Variants in TBL1X observed in about 807,000 individuals in gnomAD.
TBL1X encodes F-box-like/WD repeat-containing protein TBL1X.
Under a neutral mutation model 50.7 loss-of-function variants are expected in TBL1X, and 10 were observed. The ratio of observed to expected loss-of-function variants is 0.20; its 90% CI spans 0.12 to 0.33. The LOEUF (loss-of-function observed/expected upper bound fraction) is 0.33, where lower values mean the gene tolerates loss of function less well. TBL1X is among the 10% of genes least tolerant of loss of function. The probability of loss-of-function intolerance (pLI) is 1.00; values close to 1 mark genes in which losing one functional copy is unlikely to be tolerated. For synonymous variants in TBL1X, 190 were observed against 214.7 expected, an observed-to-expected ratio of 0.88 and a Z score of 1.01; for missense variants, 340 against 504.4, an observed-to-expected ratio of 0.67 and a Z score of 3.12.
intron 2 of TBL1X, among the ~76,000 whole-genome samples, chrX:9,552,174 T>C (rs1184033162): frequency 9.0e-6 from 1 of 111,198 alleles, no homozygotes; most frequent in Non-Finnish European, 1.9e-5. Flanking sequence ...TTGGGTGTTT[T>C]GGGATGATGA....
intron 7 of TBL1X, among the ~76,000 whole-genome samples, chrX:9,689,839 CT>C (rs767871781): frequency 8.0e-5 from 9 of 112,835 alleles, no homozygotes; most frequent in Admixed American, 3.7e-4. Flanking sequence ...CCAGATGACA[CT>C]TTCAGAGCAT....
chrX:9,705,178 G>C (rs2083199263), intron 13 of TBL1X, 64 bp downstream of exon 13: 24 of 1,200,324 alleles, frequency 2.0e-5, no homozygotes, highest in Non-Finnish European at 2.6e-5. Context: ...GCCGATTCTT[G>C]TGTGCCTAGA....
At position 9,706,995 on chromosome X, in the gene TBL1X, G is replaced by A. The variant is rs1569106126; in HGVS notation, c.1236+1881G>A. Among the ~76,000 whole-genome samples, 3 of 111,808 alleles carry A rather than the reference G, an allele frequency of 2.7e-5. No homozygotes were observed. In the South Asian group the frequency reaches 1.1e-3, roughly 42 times the overall value. ...TGCCCACATGAATGCCACAGCCCTG[G>A]CAGTAGCTGCTGGCCTGCGTGTCTG... On this transcript the variant is annotated intron_variant, in intron 13 of 17. Coordinates refer to ENST00000645353, the MANE Select transcript of TBL1X (RefSeq NM_005647.4).
intron 3 of TBL1X, among the ~76,000 whole-genome samples, chrX:9,649,126 G>A (rs764168255): frequency 8.9e-6 from 1 of 111,937 alleles, no homozygotes; most frequent in Non-Finnish European, 1.9e-5. Flanking sequence ...GAGCTGAAGG[G>A]CATTAAATAC....
intron 12 of TBL1X, 21 bp from the exon 13 acceptor site, chrX:9,704,972 T>C: frequency 8.3e-7 from 1 of 1,211,168 alleles, no homozygotes; most frequent in Non-Finnish European, 1.1e-6. Context: ...TAACTCCAGA[T>C]GTCCTCCCTC....
chrX:9,521,561 A>T (rs1426627546), intron 2 of TBL1X, among the ~76,000 whole-genome samples: 1 of 111,642 alleles, frequency 9.0e-6, no homozygotes, highest in Non-Finnish European at 1.9e-5. Flanking sequence ...TCCTTGGGGG[A>T]TTGGTTCCAG....
In TBL1X at chrX:9,545,339, C is replaced by T. The variant is rs756733020; in HGVS notation, c.-131+43490C>T. On this transcript the variant is annotated intron_variant, in intron 2 of 17. Transcript: ENST00000645353. ...GAAGGATCATTTGAAGCCAGGAGTTCGAGACCAGTCTGGACAAATAGCAAA... is the reference window on the plus strand; with the variant it reads ...GAAGGATCATTTGAAGCCAGGAGTTTGAGACCAGTCTGGACAAATAGCAAA... Among the ~76,000 whole-genome samples, 4 of 110,017 alleles carry T rather than the reference C, an allele frequency of 3.6e-5. No homozygotes were observed. In the East Asian group the frequency reaches 1.1e-3, roughly 32 times the overall value.
At chrX:9,672,946 G>A (rs1257221598) in intron 5 of TBL1X, among the ~76,000 whole-genome samples, 4 of 111,945 alleles carry the variant, frequency 3.6e-5, no homozygotes, top group Non-Finnish European at 5.6e-5. Flanking sequence ...TCAAGGTGTG[G>A]GAGATTCAGT....
At chrX:9,640,711 AC>A (rs1417087861) in intron 3 of TBL1X, among the ~76,000 whole-genome samples, 2 of 110,560 alleles carry the variant, frequency 1.8e-5, no homozygotes, top group East Asian at 5.6e-4. Flanking sequence ...GCTCACTGCA[AC>A]CCCCGCCTCC....
At chrX:9,691,372 GT>G (rs1312646011) in intron 7 of TBL1X, among the ~76,000 whole-genome samples, 4 of 104,798 alleles carry the variant, frequency 3.8e-5, no homozygotes, top group Admixed American at 3.1e-4. Flanking sequence ...GGAGACGGAG[GT>G]TGCAGTGAGC....
At chrX:9,476,820 T>C (rs1483400422) in intron 1 of TBL1X, among the ~76,000 whole-genome samples, 1 of 112,516 alleles carries the variant, frequency 8.9e-6, no homozygotes, top group Non-Finnish European at 1.9e-5. Context: ...TTTTCATCTT[T>C]CTACAAAAAT....
chrX:9,654,411 A>AGAC (rs71801536), intron 5 of TBL1X, 89 bp downstream of exon 5: 35 of 802,923 alleles, frequency 4.4e-5, no homozygotes, highest in Middle Eastern at 3.1e-4. Flanking sequence ...ACCAGGCTGT[A>AGAC]GAAGAAGAAG....
intron 2 of TBL1X, among the ~76,000 whole-genome samples, chrX:9,512,377 C>T (rs1371620373): frequency 1.8e-5 from 2 of 111,866 alleles, no homozygotes; most frequent in Non-Finnish European, 3.8e-5. Flanking sequence ...AAGTTTATGA[C>T]ACGTGGCACC....
chrX:9,494,721 A>G (rs921335095), intron 1 of TBL1X, among the ~76,000 whole-genome samples: 2 of 112,150 alleles, frequency 1.8e-5, no homozygotes, highest in Non-Finnish European at 3.8e-5. Flanking sequence ...TCCTTTTAGA[A>G]TTCGGGCTAG....
At chrX:9,507,042 G>A (rs2146954961) in intron 2 of TBL1X, among the ~76,000 whole-genome samples, 1 of 112,156 alleles carries the variant, frequency 8.9e-6, no homozygotes, top group East Asian at 2.8e-4. Flanking sequence ...AAACAAGGAT[G>A]CCCTCTCTCA....
chrX:9,469,119 C>T (rs897283041), intron 1 of TBL1X, among the ~76,000 whole-genome samples: 1 of 111,732 alleles, frequency 8.9e-6, no homozygotes, highest in Admixed American at 9.6e-5. Context: ...TTTACTCAGT[C>T]GACCGACATA....
intron 13 of TBL1X, among the ~76,000 whole-genome samples, chrX:9,708,263 G>A (rs1436575628): frequency 8.9e-6 from 1 of 111,943 alleles, no homozygotes; most frequent in East Asian, 2.8e-4. Context: ...ATCCTCCAGG[G>A]TTTAGCCTCG....
At chrX:9,510,262 A>T (rs2082048945) in intron 2 of TBL1X, among the ~76,000 whole-genome samples, 1 of 111,609 alleles carries the variant, frequency 9.0e-6, no homozygotes, top group African/African-American at 3.3e-5. Flanking sequence ...CCTGGACCGT[A>T]GGGTAGACAG....
chrX:9,637,781 T>C (rs2082755658), intron 2 of TBL1X: 1 of 111,238 alleles, frequency 9.0e-6, no homozygotes, highest in African/African-American at 3.3e-5. Context: ...CCTGTTGTGT[T>C]ACTATCCTGC....
Sources: gnomAD v4.1 joint callset for allele counts (sites outside exome capture counted in the v4.1 genomes callset) on GRCh38, gnomAD v4.1.1 for gene constraint, MANE v1.5 for transcripts, NCBI Gene and HGNC (gene_info 2026-07-23, HGNC 2026-07-21) for gene names.